FMO5: variants seen among roughly 807,000 people sequenced by gnomAD.
FMO5 encodes flavin-containing monooxygenase 5.
In FMO5, 51 loss-of-function variants were observed where a neutral mutation model predicts 43.6. That is an observed-to-expected ratio of 1.17 (90% CI 0.93 to 1.48). The LOEUF (loss-of-function observed/expected upper bound fraction) is 1.48. Ranked by LOEUF, FMO5 falls within the 40% of genes most tolerant of loss-of-function variation. The pLI is 0.00. For synonymous variants in FMO5, 187 were observed against 216.5 expected (o/e 0.86, Z 1.20); for missense variants, 644 against 643.0 (o/e 1.00, Z -0.02).
chr1:147,225,301 C>T lies in FMO5; in HGVS notation c.-52G>A. On this transcript the variant is annotated 5_prime_UTR_variant, in exon 1 of 9. Coordinates refer to ENST00000254090, the MANE Select transcript of FMO5 (RefSeq NM_001461.4). Reference sequence around the variant, plus strand: ...CCGGATCTCACCGCCTTTCCTGAAGCGCTCAACAGATCCTTCAGCTGCGAT... The same window carrying T: ...CCGGATCTCACCGCCTTTCCTGAAGTGCTCAACAGATCCTTCAGCTGCGAT... The T allele has an allele frequency of 1.6e-6, 1 of 643,466 alleles. No homozygotes were observed. The highest frequency in any genetic ancestry group is 2.4e-6 in the Non-Finnish European group (1 of 425,324). 39.9% of individuals were successfully genotyped at this position (643,466 alleles called of 1,614,324 possible). A position where few individuals can be genotyped will look rare whatever the true frequency, so the allele number is the denominator to read the frequency against.
At chr1:147,214,357 G>A (rs1325546562) in intron 3 of FMO5, among the ~76,000 whole-genome samples, 1 of 151,942 alleles carries the variant, frequency 6.6e-6, no homozygotes, top group South Asian at 2.1e-4. Flanking sequence ...AGGCTGAGGC[G>A]GGAGAATTGC....
At chr1:147,207,470 C>T (rs905064902) in intron 6 of FMO5, among the ~76,000 whole-genome samples, 2 of 152,120 alleles carry the variant, frequency 1.3e-5, no homozygotes, top group East Asian at 3.9e-4. Flanking sequence ...CTGAGGACCC[C>T]ATCCTTTGTA....
chr1:147,193,261 T>C (rs1304328586), intron 7 of FMO5, among the ~76,000 whole-genome samples: 2 of 152,212 alleles, frequency 1.3e-5, no homozygotes, highest in African/African-American at 4.8e-5. Flanking sequence ...TTGAGGAATT[T>C]ATCCGTTTCT....
At chr1:147,190,533 A>T (rs1656511818) in intron 7 of FMO5, among the ~76,000 whole-genome samples, 1 of 152,156 alleles carries the variant, frequency 6.6e-6, no homozygotes, top group South Asian at 2.1e-4. Flanking sequence ...TGGGAAATGA[A>T]ATATGGACAT....
chr1:147,222,593 A>T (rs1413326647), intron 2 of FMO5, among the ~76,000 whole-genome samples: 1 of 152,182 alleles, frequency 6.6e-6, no homozygotes, highest in Admixed American at 6.5e-5. Context: ...AAAAATGGAG[A>T]TAGTAGAATA....
At chr1:147,194,913 C>G (rs184149842) in intron 7 of FMO5, among the ~76,000 whole-genome samples, 1 of 151,818 alleles carries the variant, frequency 6.6e-6, no homozygotes, top group Non-Finnish European at 1.5e-5. Context: ...GTGGGTAACC[C>G]GACCTTTCTC....
rs781994979 is a variant in FMO5, at chr1:147,215,795, A to G, written c.283T>C (p.Tyr95His). 2.5e-6 allele frequency: 4 copies of G among 1,612,072 alleles called. No homozygotes were observed. Among genetic ancestry groups the G allele is most frequent in the African/African-American group, 1.3e-5 (1 of 74,860 alleles). Residue 95 changes from tyrosine to histidine, a missense_variant, in exon 3 of 9, where the codon TAT (tyrosine) becomes CAT (histidine). Coordinates refer to ENST00000254090, the MANE Select transcript of FMO5 (RefSeq NM_001461.4). ...NAQVLEYFRM[Y>H]AKEFDLLKYI... Reference sequence around the variant, plus strand: ...TTTAGAAGGTCAAATTCTTTGGCATACATCCTGAAATACTCCAGGACCTGG... The same window carrying G: ...TTTAGAAGGTCAAATTCTTTGGCATGCATCCTGAAATACTCCAGGACCTGG...
chr1:147,221,482 A>C lies in FMO5; in HGVS notation c.135+3413T>G, dbSNP rs1571424549. Reference sequence around the variant, plus strand: ...CATAAGTGTATATATTTTTTAATTAAGGTAAATTAATGAATGGCAAGGTCA... The same window carrying C: ...CATAAGTGTATATATTTTTTAATTACGGTAAATTAATGAATGGCAAGGTCA... On this transcript the variant is annotated intron_variant, in intron 2 of 8. Coordinates refer to ENST00000254090, the MANE Select transcript of FMO5 (RefSeq NM_001461.4). Among the ~76,000 whole-genome samples, 3 of 152,234 alleles carry C rather than the reference A, an allele frequency of 2.0e-5. No homozygotes were observed. The South Asian group carries it at 6.2e-4, about 31-fold the overall frequency.
At chr1:147,188,358 T>C (rs1048228057) in intron 8 of FMO5, among the ~76,000 whole-genome samples, 7 of 151,818 alleles carry the variant, frequency 4.6e-5, no homozygotes, top group Non-Finnish European at 8.8e-5. Context: ...ACCCCATCTC[T>C]ACAGAAAACA....
Position 147,218,191 on chromosome 1 carries a change from G to C in FMO5, c.136-2249C>G, listed in dbSNP as rs374674484. Among the ~76,000 whole-genome samples, 48 of 151,876 alleles carry C rather than the reference G, an allele frequency of 3.2e-4. 1 individual carries two copies. The East Asian group carries it at 8.9e-3, about 28-fold the overall frequency. On this transcript the variant is annotated intron_variant, in intron 2 of 8. Transcript: ENST00000254090. ...CAATTAATTAGTAACAATGTTAAAT[G>C]TTCCCAAAATAGATGAATGGTTTAG...
chr1:147,208,508 C>T, intron 6 of FMO5: 4 of 165,152 alleles, frequency 2.4e-5, no homozygotes, highest in Non-Finnish European at 3.8e-5. Context: ...GGTGCAATCT[C>T]AGCTCACTGC....
At chr1:147,215,459 G>C (rs1661832180) in intron 3 of FMO5, 1 of 298,096 alleles carries the variant, frequency 3.4e-6, no homozygotes, top group South Asian at 6.1e-5. Flanking sequence ...TTCTGTAATG[G>C]GGAAAACATT....
intron 2 of FMO5, 129 bp from the exon 3 acceptor site, chr1:147,216,071 G>A: frequency 1.6e-6 from 1 of 636,096 alleles, no homozygotes; most frequent in Admixed American, 3.0e-5. Flanking sequence ...TCCAGTATTT[G>A]TGCCCTTATG....
chr1:147,209,591 T>C (rs587721647), intron 5 of FMO5: 1 of 153,602 alleles, frequency 6.5e-6, no homozygotes, highest in African/African-American at 2.4e-5. Context: ...GAATATGTTT[T>C]GCTCTAATAC....
Position 147,212,918 on chromosome 1 carries a change from T to A in FMO5, c.488-383A>T, listed in dbSNP as rs78919976. On this transcript the variant is annotated intron_variant, in intron 4 of 8. Coordinates refer to ENST00000254090, the MANE Select transcript of FMO5 (RefSeq NM_001461.4). ...TTAGAGTATAGAGTGCTTTTTTTTTTAAAATGAAAATCCAGGCCAAAGACT... is the reference window on the plus strand; with the variant it reads ...TTAGAGTATAGAGTGCTTTTTTTTTAAAAATGAAAATCCAGGCCAAAGACT... Among the ~76,000 whole-genome samples, 76 of 152,108 alleles carry A rather than the reference T, an allele frequency of 5.0e-4. 1 individual carries two copies. Among genetic ancestry groups the A allele is most frequent in the Admixed American group, 2.4e-3 (37 of 15,282 alleles).
intron 6 of FMO5, among the ~76,000 whole-genome samples, chr1:147,207,520 C>T (rs1553922679): frequency 6.6e-6 from 1 of 152,106 alleles, no homozygotes; most frequent in African/African-American, 2.4e-5. Flanking sequence ...TATAATCTGT[C>T]CTCTTTCTTC....
At chr1:147,219,298 A>T (rs1425614015) in intron 2 of FMO5, among the ~76,000 whole-genome samples, 1 of 152,202 alleles carries the variant, frequency 6.6e-6, no homozygotes, top group African/African-American at 2.4e-5. Flanking sequence ...CCTGTTAGAC[A>T]TGTCTCTTTT....
chr1:147,199,316 G>A (rs1167859456), intron 7 of FMO5, among the ~76,000 whole-genome samples: 1 of 152,184 alleles, frequency 6.6e-6, no homozygotes, highest in Non-Finnish European at 1.5e-5. Context: ...AGGCAAGAAT[G>A]TGGGAGGCAG....
At chr1:147,188,591 C>G (rs966037997) in intron 8 of FMO5, among the ~76,000 whole-genome samples, 3 of 150,398 alleles carry the variant, frequency 2.0e-5, no homozygotes, top group Non-Finnish European at 4.4e-5. Flanking sequence ...TCACTAGCTC[C>G]TGCCTTGATT....
Sources: gnomAD v4.1 joint callset for allele counts (sites outside exome capture counted in the v4.1 genomes callset) on GRCh38, gnomAD v4.1.1 for gene constraint, MANE v1.5 for transcripts, NCBI Gene and HGNC (gene_info 2026-07-23, HGNC 2026-07-21) for gene names.